Variants in DPH6 observed in about 807,000 individuals in gnomAD.
The protein encoded by DPH6 is diphthamine biosynthesis 6.
Under a neutral mutation model 38.2 loss-of-function variants are expected in DPH6, and 33 were observed. That is an observed-to-expected ratio of 0.86 (90% CI 0.65 to 1.15). The LOEUF (loss-of-function observed/expected upper bound fraction) is 1.15. DPH6 is among the 50% of genes most tolerant of loss of function. The pLI is 0.00. For synonymous variants in DPH6, 108 were observed against 103.0 expected (o/e 1.05, Z -0.30); for missense variants, 325 against 320.0 (o/e 1.02, Z -0.12).
At chr15:35,474,586 A>T (rs1232706226) in intron 3 of DPH6, among the ~76,000 whole-genome samples, 2 of 152,162 alleles carry the variant, frequency 1.3e-5, no homozygotes, top group Non-Finnish European at 2.9e-5. Context: ...TCTTTTGGCT[A>T]TTCATTTTAG....
rs558239141 is a variant in DPH6, at chr15:35,300,241, T to C, written n.200+73280A>G. Among the ~76,000 whole-genome samples the C allele has an allele frequency of 6.6e-5, 10 of 152,344 alleles. No individual in the cohort carries two copies. The East Asian group carries it at 1.7e-3, about 26-fold the overall frequency. Reference sequence around the variant, plus strand: ...CAAGGGTATAATCATGTAGTACTCATAGGCCACAGTGAGAAGCTTGGGTTT... The same window carrying C: ...CAAGGGTATAATCATGTAGTACTCACAGGCCACAGTGAGAAGCTTGGGTTT... On this transcript the variant is annotated intron_variant and non_coding_transcript_variant, in intron 3 of 3. Transcript: ENST00000560386.
rs1024805182 is a variant in DPH6, at chr15:35,381,992, A to T, written c.568-76T>A. Reference sequence around the variant, plus strand: ...CATAAATGCTCTCTTATCTGGTACTAAAAAATCCATACAAAAAACTTTAAT... The same window carrying T: ...CATAAATGCTCTCTTATCTGGTACTTAAAAATCCATACAAAAAACTTTAAT... On this transcript the variant is annotated intron_variant, in intron 6 of 8. Transcript: ENST00000256538. 8 of 1,035,046 alleles carry T rather than the reference A, an allele frequency of 7.7e-6. No homozygotes were observed. The African/African-American group carries it at 1.3e-4, about 17-fold the overall frequency. The allele number at this position is 1,035,046 out of a possible 1,614,324, so 64.1% of individuals were successfully genotyped here.
At chr15:35,479,827 G>A (rs893191873) in intron 3 of DPH6, among the ~76,000 whole-genome samples, 2 of 151,828 alleles carry the variant, frequency 1.3e-5, no homozygotes, top group Admixed American at 6.6e-5. Context: ...TAAAAAGCAC[G>A]ATTTACACAT....
chr15:35,539,793 A>AAC (rs2055225046), intron 2 of DPH6, among the ~76,000 whole-genome samples: 1 of 152,014 alleles, frequency 6.6e-6, no homozygotes, highest in African/African-American at 2.4e-5. Context: ...GTGATAGTGC[A>AAC]AGGGCCCCTT....
At chr15:35,473,049 T>C (rs998746556) in intron 3 of DPH6, among the ~76,000 whole-genome samples, 3 of 152,104 alleles carry the variant, frequency 2.0e-5, no homozygotes, top group African/African-American at 4.8e-5. Flanking sequence ...TGGAAAGTAA[T>C]AGAAGCAACT....
At chr15:35,487,592 G>A (rs1187831385) in intron 3 of DPH6, among the ~76,000 whole-genome samples, 1 of 152,224 alleles carries the variant, frequency 6.6e-6, no homozygotes, top group Non-Finnish European at 1.5e-5. Context: ...GCAGAGCAGT[G>A]GGGCAGTAGG....
At chr15:35,260,580 A>T (rs2140417551) in intron 3 of DPH6, among the ~76,000 whole-genome samples, 1 of 151,854 alleles carries the variant, frequency 6.6e-6, no homozygotes, top group East Asian at 1.9e-4. Flanking sequence ...CTTCATTTAT[A>T]AAAAAATGTT....
At chr15:35,444,650 G>C (rs1305220583) in intron 5 of DPH6, among the ~76,000 whole-genome samples, 2 of 152,108 alleles carry the variant, frequency 1.3e-5, no homozygotes, top group Non-Finnish European at 2.9e-5. Flanking sequence ...TCCTACATAA[G>C]AGTATAAGCC....
At chr15:35,375,889 G>A (rs751616802) in intron 7 of DPH6, among the ~76,000 whole-genome samples, 5 of 151,930 alleles carry the variant, frequency 3.3e-5, no homozygotes, top group Non-Finnish European at 5.9e-5. Flanking sequence ...TCCTCTAAAA[G>A]GACAACTACG....
intron 3 of DPH6, among the ~76,000 whole-genome samples, chr15:35,250,164 C>T (rs981010186): frequency 2.7e-5 from 4 of 150,690 alleles, no homozygotes; most frequent in Admixed American, 6.6e-5. Flanking sequence ...GGTGACACAG[C>T]GAGATTCTGT....
At chr15:35,513,929 G>A (rs1232014315) in intron 3 of DPH6, among the ~76,000 whole-genome samples, 2 of 152,038 alleles carry the variant, frequency 1.3e-5, no homozygotes, top group African/African-American at 4.8e-5. Flanking sequence ...TTTCATAAAA[G>A]TCTTTTTCTT....
intron 6 of DPH6, among the ~76,000 whole-genome samples, chr15:35,391,922 T>C (rs1482772943): frequency 6.6e-6 from 1 of 152,190 alleles, no homozygotes; most frequent in East Asian, 1.9e-4. Flanking sequence ...ATCACCCGTC[T>C]TCTGCGTCGC....
chr15:35,181,215 G>A, the DPH6 span, among the ~76,000 whole-genome samples: 2 of 151,866 alleles, frequency 1.3e-5, no homozygotes, highest in African/African-American at 2.4e-5. Context: ...GATGTGTCTC[G>A]ATGATTGCCT....
At chr15:35,287,031 T>G (rs2051948002) in intron 3 of DPH6, among the ~76,000 whole-genome samples, 1 of 152,106 alleles carries the variant, frequency 6.6e-6, no homozygotes, top group Non-Finnish European at 1.5e-5. Flanking sequence ...AAAAAAGTTG[T>G]TAAAATGTGA....
chr15:35,444,860 A>G (rs554070493), intron 5 of DPH6, among the ~76,000 whole-genome samples: 2 of 147,376 alleles, frequency 1.4e-5, no homozygotes, highest in East Asian at 4.1e-4. Context: ...CTGATTTGGT[A>G]TGATATTAGT....
the DPH6 span, among the ~76,000 whole-genome samples, chr15:35,147,987 G>A: frequency 6.6e-6 from 1 of 152,180 alleles, no homozygotes; most frequent in East Asian, 1.9e-4. Context: ...CAGGAGAACA[G>A]CAATCTAGAA....
At chr15:35,259,495 A>C (rs533079855) in intron 3 of DPH6, among the ~76,000 whole-genome samples, 1 of 152,372 alleles carries the variant, frequency 6.6e-6, no homozygotes, top group South Asian at 2.1e-4. Flanking sequence ...ATAAGATTTC[A>C]ATTATAAAGC....
Position 35,342,019 on chromosome 15 carries a change from C to T in DPH6, n.208-10942G>A, listed in dbSNP as rs150390642. Among the ~76,000 whole-genome samples, 310 of 152,286 alleles carry T rather than the reference C, an allele frequency of 2.0e-3. 1 individual carries two copies. The highest frequency in any genetic ancestry group is 6.8e-3 in the African/African-American group (282 of 41,566). On this transcript the variant is annotated intron_variant and non_coding_transcript_variant, in intron 3 of 3. Coordinates refer to the DPH6 transcript ENST00000558973. ...GTAGCTGCCCCTCACCACAGGAACT[C>T]GGTCCCATCTCAGGCAGACTCCAGC...
intron 5 of DPH6, among the ~76,000 whole-genome samples, chr15:35,449,999 G>T (rs945193919): frequency 2.6e-5 from 4 of 152,112 alleles, no homozygotes; most frequent in Admixed American, 2.0e-4. Context: ...TTCTATAACA[G>T]GTTCACGAAA....
Sources: allele counts gnomAD v4.1 joint callset (sites outside exome capture counted in the v4.1 genomes callset), GRCh38; gene constraint gnomAD v4.1.1; transcripts MANE v1.5; gene names NCBI Gene and HGNC (gene_info 2026-07-23, HGNC 2026-07-21).